The following VWF variants were observed in gnomAD, a reference collection of about 807,000 sequenced individuals.
VWF encodes von Willebrand factor.
VWF carries 176 observed loss-of-function variants against 308.6 expected under a neutral mutation model. The observed-to-expected ratio is 0.57, with a 90% CI of 0.50 to 0.65. VWF has a LOEUF of 0.65. Ranked by LOEUF, VWF falls within the 30% of genes least tolerant of loss-of-function variation. The pLI is 0.00. For synonymous variants in VWF, 1,385 were observed against 1,443.4 expected (o/e 0.96, Z 0.92); for missense variants, 3,146 against 3,648.2 (o/e 0.86, Z 3.55).
intron 6 of VWF, among the ~76,000 whole-genome samples, chr12:6,093,711 G>A (rs1477173834): frequency 6.6e-6 from 1 of 152,224 alleles, no homozygotes; most frequent in Non-Finnish European, 1.5e-5. Flanking sequence ...GTTCCACAGT[G>A]GGGAGGGAAT....
chr12:6,010,811 A>C (rs2136402700), intron 34 of VWF, among the ~76,000 whole-genome samples: 1 of 152,340 alleles, frequency 6.6e-6, no homozygotes, highest in East Asian at 1.9e-4. Flanking sequence ...GAGGTGTTTT[A>C]ACTCTAATCA....
intron 16 of VWF, among the ~76,000 whole-genome samples, chr12:6,050,597 G>A (rs1847419689): frequency 6.6e-6 from 1 of 152,168 alleles, no homozygotes; most frequent in Non-Finnish European, 1.5e-5. Context: ...GTTCATGCCA[G>A]AGGACTTACC....
chr12:5,956,820 A>G (rs1380754562), intron 47 of VWF, among the ~76,000 whole-genome samples: 2 of 152,330 alleles, frequency 1.3e-5, no homozygotes, highest in East Asian at 3.9e-4. Flanking sequence ...TAAGTAAAAA[A>G]GTTACAGTGA....
In VWF at chr12:6,115,305, T is replaced by C. The variant is rs147134262; in HGVS notation, c.221-4337A>G. 2.4e-4 allele frequency among the ~76,000 whole-genome samples: 36 copies of C among 152,276 alleles called. No homozygotes were observed. The East Asian group carries it at 6.4e-3, about 27-fold the overall frequency. ...CCTCCCGCTTCAGCCTCCCAAAGCA[T>C]TGGGATTATAGGCATGAGTAACTGT... On this transcript the variant is annotated intron_variant, in intron 3 of 51. Coordinates refer to ENST00000261405, the MANE Select transcript of VWF (RefSeq NM_000552.5).
intron 39 of VWF, 152 bp from the exon 40 acceptor site, chr12:5,985,271 G>T: frequency 1.2e-6 from 1 of 833,394 alleles, no homozygotes; most frequent in Non-Finnish European, 2.0e-6. Context: ...ACAGATGAGT[G>T]TCCCCATGTT....
rs1038873894 is a variant in VWF at position 6,033,494 on chromosome 12, G to C, written c.2685+1194C>G. On this transcript the variant is annotated intron_variant, in intron 20 of 51. Coordinates refer to ENST00000261405, the MANE Select transcript of VWF (RefSeq NM_000552.5). Reference sequence around the variant, plus strand: ...GAATTAATTTTTTCCTGGATGTTCAGATTTGAAATGGGCTGGGCAGTTGTT... The same window carrying C: ...GAATTAATTTTTTCCTGGATGTTCACATTTGAAATGGGCTGGGCAGTTGTT... 4.3e-4 allele frequency among the ~76,000 whole-genome samples: 66 copies of C among 152,366 alleles called. 1 individual carries two copies. Among genetic ancestry groups the C allele is most frequent in the African/African-American group, 1.5e-3 (63 of 41,592 alleles).
rs536585748 is a variant in VWF at position 6,000,606 on chromosome 12, G to A, written c.5843-4384C>T. ...GCGGATCACGAGGTCAGGTGATGGA[G>A]ACCATCCCGGCTAACACGGTGAAAC... On this transcript the variant is annotated intron_variant, in intron 34 of 51. Transcript: ENST00000261405. Among the ~76,000 whole-genome samples, 4 of 151,786 alleles carry A rather than the reference G, an allele frequency of 2.6e-5. No homozygotes were observed. The East Asian group carries it at 5.8e-4, about 22-fold the overall frequency.
chr12:6,084,543 G>A (rs909298164), intron 6 of VWF, among the ~76,000 whole-genome samples: 4 of 152,116 alleles, frequency 2.6e-5, no homozygotes, highest in African/African-American at 9.7e-5. Context: ...GAGGAGGAGG[G>A]AAAGCAAGCA....
At chr12:6,123,239 G>A (rs1277830192) in intron 1 of VWF, 43 bp from the exon 2 acceptor site, 1 of 1,612,498 alleles carries the variant, frequency 6.2e-7, no homozygotes. Context: ...TGCTGCCCAG[G>A]TAGGCGGCTG....
intron 5 of VWF, among the ~76,000 whole-genome samples, chr12:6,098,519 T>C (rs988511784): frequency 1.3e-5 from 2 of 152,150 alleles, no homozygotes; most frequent in African/African-American, 2.4e-5. Context: ...TGGTTCATGC[T>C]TGTAATCCCA....
At chr12:5,972,302 T>C (rs773261142) in intron 43 of VWF, among the ~76,000 whole-genome samples, 1 of 152,248 alleles carries the variant, frequency 6.6e-6, no homozygotes, top group Non-Finnish European at 1.5e-5. Context: ...ACCAGCATCC[T>C]GGAAGTTTGT....
intron 35 of VWF, among the ~76,000 whole-genome samples, chr12:5,995,689 A>G (rs1943800689): frequency 6.6e-6 from 1 of 152,214 alleles, no homozygotes; most frequent in African/African-American, 2.4e-5. Context: ...TGGACTCATA[A>G]TACCTTCCGA....
At position 6,014,153 on chromosome 12, in the gene VWF, C is replaced by G. The variant is rs150571652; in HGVS notation, c.5456-508G>C. On this transcript the variant is annotated intron_variant, in intron 31 of 51. Transcript: ENST00000261405. ...TCCCAAGCAGAGAGAAGAGTGAGTGCAAAGGCCCCAGAGCAGAAATGTGAC... is the reference window on the plus strand; with the variant it reads ...TCCCAAGCAGAGAGAAGAGTGAGTGGAAAGGCCCCAGAGCAGAAATGTGAC... Among the ~76,000 whole-genome samples the G allele has an allele frequency of 9.5e-4, 145 of 152,004 alleles. 1 individual carries two copies. The highest frequency in any genetic ancestry group is 3.4e-3 in the African/African-American group (140 of 41,430).
At chr12:5,960,917 T>C (rs114168938) in intron 47 of VWF, among the ~76,000 whole-genome samples, 11,562 of 152,224 alleles carry the variant, frequency 0.076, 535 homozygotes, top group African/African-American at 0.13. Flanking sequence ...AGGTGAGCAG[T>C]GGGCCAATGA....
At chr12:5,951,949 C>T (rs1185238953) in intron 49 of VWF, 66 bp from the exon 50 acceptor site, 4 of 1,551,210 alleles carry the variant, frequency 2.6e-6, no homozygotes, top group Non-Finnish European at 3.6e-6. Flanking sequence ...TCAGGTCACT[C>T]CGGGCCAATT....
chr12:6,102,723 G>A (rs142902254), intron 5 of VWF, among the ~76,000 whole-genome samples: 3,597 of 147,294 alleles, frequency 0.024, 148 homozygotes, highest in African/African-American at 0.088. Context: ...GACTGAGCGA[G>A]ACTCCGTCTC....
intron 5 of VWF, among the ~76,000 whole-genome samples, chr12:6,107,361 G>A (rs1320602672): frequency 4.6e-5 from 7 of 152,152 alleles, no homozygotes; most frequent in South Asian, 2.1e-4. Flanking sequence ...ACGCTTTTGC[G>A]AAAACTCAGA....
At chr12:5,972,436 G>A (rs1165283656) in intron 43 of VWF, among the ~76,000 whole-genome samples, 8 of 152,172 alleles carry the variant, frequency 5.3e-5, no homozygotes, top group African/African-American at 1.9e-4. Flanking sequence ...TTTGTCCCAG[G>A]AGCCAAGAGA....
chr12:6,016,935 A>C (rs1371525698), intron 28 of VWF, 65 bp from the exon 29 acceptor site: 1 of 1,532,154 alleles, frequency 6.5e-7, no homozygotes, highest in Non-Finnish European at 9.0e-7. Flanking sequence ...CCAGGCCTAC[A>C]ACCTGACATC....
Sources: allele counts gnomAD v4.1 joint callset (sites outside exome capture counted in the v4.1 genomes callset), GRCh38; gene constraint gnomAD v4.1.1; transcripts MANE v1.5; gene names NCBI Gene and HGNC (gene_info 2026-07-23, HGNC 2026-07-21).